The following IMMP2L variants were observed in gnomAD, a reference collection of about 807,000 sequenced individuals.
IMMP2L encodes inner mitochondrial membrane peptidase subunit 2.
A neutral mutation model predicts 19.3 loss-of-function variants in IMMP2L; 18 were observed. The observed-to-expected ratio is 0.93, with a 90% CI of 0.64 to 1.38. The LOEUF (loss-of-function observed/expected upper bound fraction) is 1.38, where lower values mean the gene tolerates loss of function less well. Among genes scored for constraint, IMMP2L ranks in the 40% most tolerant of loss-of-function variants. IMMP2L has a pLI of 0.00. For synonymous variants in IMMP2L, 76 were observed against 73.0 expected, an observed-to-expected ratio of 1.04 and a Z score of -0.21; for missense variants, 233 against 218.2, an observed-to-expected ratio of 1.07 and a Z score of -0.43.
At chr7:111,427,538 C>T (rs1003827861) in intron 3 of IMMP2L, among the ~76,000 whole-genome samples, 1 of 151,708 alleles carries the variant, frequency 6.6e-6, no homozygotes, top group African/African-American at 2.4e-5. Flanking sequence ...AACTACATTA[C>T]CATATTGAAA....
chr7:110,717,804 G>A (rs1325879909), intron 5 of IMMP2L, among the ~76,000 whole-genome samples: 1 of 152,302 alleles, frequency 6.6e-6, no homozygotes, highest in South Asian at 2.1e-4. Context: ...GGAGCAAATG[G>A]ATAATGAAGC....
chr7:111,080,490 T>C, intron 3 of IMMP2L, among the ~76,000 whole-genome samples: 2 of 106,866 alleles, frequency 1.9e-5, no homozygotes, highest in Non-Finnish European at 4.0e-5. Context: ...GTATTATATA[T>C]TATGTGTGTA....
chr7:111,251,080 T>C (rs1169266330), intron 3 of IMMP2L, among the ~76,000 whole-genome samples: 5 of 152,156 alleles, frequency 3.3e-5, no homozygotes, highest in Admixed American at 2.0e-4. Flanking sequence ...CATTTAAAAG[T>C]TGGCAAAGGA....
intron 5 of IMMP2L, among the ~76,000 whole-genome samples, chr7:110,824,270 T>A (rs974716214): frequency 2.6e-5 from 4 of 152,136 alleles, no homozygotes; most frequent in African/African-American, 9.7e-5. Flanking sequence ...CCTAATCATT[T>A]TCTCCCATGT....
intron 3 of IMMP2L, among the ~76,000 whole-genome samples, chr7:111,339,933 C>G (rs949792192): frequency 3.3e-5 from 5 of 151,862 alleles, no homozygotes; most frequent in Non-Finnish European, 5.9e-5. Flanking sequence ...CACATAGCCC[C>G]CCAGAGTGCT....
chr7:110,671,684 T>G (rs1791931964), intron 5 of IMMP2L, among the ~76,000 whole-genome samples: 1 of 152,030 alleles, frequency 6.6e-6, no homozygotes, highest in Non-Finnish European at 1.5e-5. Flanking sequence ...TTCCCTCCCC[T>G]CCCTTTCCAC....
intron 3 of IMMP2L, among the ~76,000 whole-genome samples, chr7:111,083,886 A>G (rs915835493): frequency 6.6e-6 from 1 of 152,246 alleles, no homozygotes; most frequent in African/African-American, 2.4e-5. Flanking sequence ...GGATAGCTCA[A>G]GGAAAATCAT....
intron 5 of IMMP2L, among the ~76,000 whole-genome samples, chr7:110,723,414 A>G (rs1213345134): frequency 1.3e-5 from 2 of 152,250 alleles, no homozygotes; most frequent in African/African-American, 2.4e-5. Context: ...ACAAGCAAAC[A>G]GAAACCTACA....
chr7:110,822,733 AG>A (rs1430078402), intron 5 of IMMP2L, among the ~76,000 whole-genome samples: 2 of 152,166 alleles, frequency 1.3e-5, no homozygotes, highest in Non-Finnish European at 2.9e-5. Flanking sequence ...TAGAAAGGTT[AG>A]AAGTCTATAA....
At chr7:111,020,816 G>A (rs549342642) in intron 3 of IMMP2L, among the ~76,000 whole-genome samples, 1 of 152,138 alleles carries the variant, frequency 6.6e-6, no homozygotes, top group East Asian at 1.9e-4. Context: ...AGTTATTGAA[G>A]TCTCCAACTA....
intron 3 of IMMP2L, among the ~76,000 whole-genome samples, chr7:111,052,111 G>A (rs1793062033): frequency 6.6e-6 from 1 of 152,182 alleles, no homozygotes; most frequent in Non-Finnish European, 1.5e-5. Flanking sequence ...CAGGAAAGAT[G>A]GCAGGCCCTG....
chr7:110,837,133 A>T (rs1804564148), intron 5 of IMMP2L, among the ~76,000 whole-genome samples: 1 of 152,192 alleles, frequency 6.6e-6, no homozygotes, highest in Non-Finnish European at 1.5e-5. Context: ...TGATTAAATA[A>T]AACATGATAC....
At chr7:111,120,913 CT>C (rs2129587949) in intron 3 of IMMP2L, among the ~76,000 whole-genome samples, 1 of 150,766 alleles carries the variant, frequency 6.6e-6, no homozygotes, top group African/African-American at 2.5e-5. Context: ...ATTTATTGGC[CT>C]TTTATGTTGC....
chr7:111,493,078 T>C (rs747340315), intron 2 of IMMP2L, among the ~76,000 whole-genome samples: 13 of 152,156 alleles, frequency 8.5e-5, no homozygotes, highest in Non-Finnish European at 1.6e-4. Context: ...CGTATTTAAA[T>C]CAGATAGTTT....
chr7:111,211,073 T>C (rs1811257228), intron 3 of IMMP2L, among the ~76,000 whole-genome samples: 2 of 152,184 alleles, frequency 1.3e-5, no homozygotes, highest in African/African-American at 4.8e-5. Flanking sequence ...TGAGTCAGTA[T>C]ATAAAACTTT....
chr7:110,914,002 A>G (rs1219797176), intron 4 of IMMP2L, among the ~76,000 whole-genome samples: 1 of 152,142 alleles, frequency 6.6e-6, no homozygotes, highest in Admixed American at 6.5e-5. Context: ...TAATAAACAG[A>G]TATTATCATT....
chr7:111,452,936 C>G (rs1285248737), intron 3 of IMMP2L, among the ~76,000 whole-genome samples: 1 of 152,138 alleles, frequency 6.6e-6, no homozygotes, highest in Admixed American at 6.6e-5. Flanking sequence ...GGATCTACAT[C>G]ATTTTGTTCA....
rs777862357 is a variant in IMMP2L at position 111,556,018 on chromosome 7, G to GTGTATATATATATATATATATATA, written c.-3+5832_-3+5833insTATATATATATATATATATATACA. Among the ~76,000 whole-genome samples the GTGTATATATATATATATATATATA allele has an allele frequency of 7.7e-3, 702 of 91,288 alleles. 39 individuals carry two copies. The highest frequency in any genetic ancestry group is 0.021 in the Middle Eastern group (4 of 190). The allele number at this position is 91,288 out of a possible 152,430, so 59.9% of individuals were successfully genotyped here. On this transcript the variant is annotated intron_variant, in intron 1 of 5. Coordinates refer to ENST00000405709, the MANE Select transcript of IMMP2L (RefSeq NM_032549.4). ...TTAGCCATCCCTCTTCTGTGTGCAT[G>GTGTATATATATATATATATATATA]TATATATATATATATATACATACCC...
chr7:110,926,106 A>C (rs1814821459), intron 4 of IMMP2L, among the ~76,000 whole-genome samples: 2 of 152,032 alleles, frequency 1.3e-5, no homozygotes, highest in South Asian at 4.1e-4. Flanking sequence ...TAAAACATTA[A>C]AACAACAATT....
Sources: gnomAD v4.1 joint callset for allele counts (sites outside exome capture counted in the v4.1 genomes callset) on GRCh38, gnomAD v4.1.1 for gene constraint, MANE v1.5 for transcripts, NCBI Gene and HGNC (gene_info 2026-07-23, HGNC 2026-07-21) for gene names.